The following LRMDA variants were observed in gnomAD, a reference collection of about 807,000 sequenced individuals.
The protein encoded by LRMDA is leucine rich melanocyte differentiation associated.
A neutral mutation model predicts 29.8 loss-of-function variants in LRMDA; 18 were observed. The observed-to-expected ratio is 0.60, with a 90% confidence interval of 0.42 to 0.90. LRMDA has a LOEUF of 0.90. LRMDA is among the 40% of genes least tolerant of loss of function. The pLI is 0.00. For missense variants in LRMDA, 273 were observed against 273.9 expected (o/e 1.00, Z 0.02); for synonymous variants, 125 against 109.4 (o/e 1.14, Z -0.89).
chr10:75,887,740 G>C (rs561145446), intron 2 of LRMDA, among the ~76,000 whole-genome samples: 28 of 152,094 alleles, frequency 1.8e-4, no homozygotes, highest in Non-Finnish European at 3.4e-4. Context: ...TGCATATCTG[G>C]TTCATATCAC....
intron 2 of LRMDA, among the ~76,000 whole-genome samples, chr10:75,892,087 G>A: frequency 6.6e-6 from 1 of 152,146 alleles, no homozygotes; most frequent in South Asian, 2.1e-4. Context: ...ATGATCAATG[G>A]GTTTTGGTGA....
chr10:76,091,276 C>CAT (rs919922502), intron 5 of LRMDA, among the ~76,000 whole-genome samples: 8 of 146,908 alleles, frequency 5.4e-5, no homozygotes, highest in African/African-American at 2.0e-4. Context: ...ACATGGTGGA[C>CAT]GTGTGTGTGT....
chr10:75,799,754 C>T (rs1843716898), intron 2 of LRMDA, among the ~76,000 whole-genome samples: 1 of 150,474 alleles, frequency 6.6e-6, no homozygotes, highest in South Asian at 2.1e-4. Context: ...GCATGTTGAC[C>T]AGGCTAGTCT....
intron 5 of LRMDA, among the ~76,000 whole-genome samples, chr10:76,116,506 T>G (rs932399892): frequency 6.6e-6 from 1 of 151,912 alleles, no homozygotes; most frequent in Non-Finnish European, 1.5e-5. Flanking sequence ...CCTTGATGAG[T>G]CTGTTGGTAG....
intron 5 of LRMDA, among the ~76,000 whole-genome samples, chr10:76,082,875 G>A (rs531386672): frequency 3.3e-5 from 5 of 152,280 alleles, no homozygotes; most frequent in South Asian, 2.1e-4. Flanking sequence ...AAGGAAGTTC[G>A]TAGGAGGATT....
chr10:75,913,666 C>G (rs1348518076), intron 2 of LRMDA, among the ~76,000 whole-genome samples: 1 of 152,178 alleles, frequency 6.6e-6, no homozygotes, highest in Non-Finnish European at 1.5e-5. Flanking sequence ...AGAGCTGCAG[C>G]TTTGGCATTA....
chr10:76,289,130 A>C (rs1840307817), intron 5 of LRMDA, among the ~76,000 whole-genome samples: 1 of 152,196 alleles, frequency 6.6e-6, no homozygotes, highest in African/African-American at 2.4e-5. Context: ...ATTAGAGAAC[A>C]TTGATGGTAT....
intron 2 of LRMDA, among the ~76,000 whole-genome samples, chr10:75,842,395 C>T (rs1047438405): frequency 1.1e-4 from 17 of 152,166 alleles, no homozygotes; most frequent in Non-Finnish European, 2.5e-4. Context: ...GATTTTACCA[C>T]TTGGCCTAGA....
intron 5 of LRMDA, among the ~76,000 whole-genome samples, chr10:76,153,738 T>C (rs183801054): frequency 6.6e-6 from 1 of 152,346 alleles, no homozygotes; most frequent in South Asian, 2.1e-4. Context: ...CCAATGTCAT[T>C]CCCTTCATTA....
intron 5 of LRMDA, among the ~76,000 whole-genome samples, chr10:76,127,355 T>C (rs945371419): frequency 2.6e-5 from 4 of 152,334 alleles, no homozygotes; most frequent in Admixed American, 2.0e-4. Context: ...CAACTTGGCG[T>C]ATTCACCCAC....
Position 76,142,409 on chromosome 10 carries a change from C to T in LRMDA, c.516+83626C>T, listed in dbSNP as rs148107278. ...ATCTTGAATTTTGTGTGTAATATGC[C>T]ATTTCATTTTTAAAATATTTAACTA... On this transcript the variant is annotated intron_variant, in intron 5 of 6. Coordinates refer to ENST00000611255, the MANE Select transcript of LRMDA (RefSeq NM_001305581.2). 8.6e-5 allele frequency among the ~76,000 whole-genome samples: 13 copies of T among 151,944 alleles called. No homozygotes were observed. In the East Asian group the frequency reaches 2.3e-3, roughly 27 times the overall value.
chr10:76,038,459 A>G (rs1434614185), intron 3 of LRMDA, among the ~76,000 whole-genome samples: 3 of 152,216 alleles, frequency 2.0e-5, no homozygotes, highest in African/African-American at 7.2e-5. Flanking sequence ...TGTAAACCTG[A>G]CCAGTGATAT....
chr10:75,609,712 C>T (rs957050983), intron 2 of LRMDA, among the ~76,000 whole-genome samples: 1 of 152,174 alleles, frequency 6.6e-6, no homozygotes, highest in Non-Finnish European at 1.5e-5. Context: ...TATGATGAGT[C>T]TTGCAATTAC....
intron 5 of LRMDA, among the ~76,000 whole-genome samples, chr10:76,210,301 A>T (rs1851612915): frequency 6.6e-6 from 1 of 152,180 alleles, no homozygotes; most frequent in South Asian, 2.1e-4. Context: ...GCAGTCCTCG[A>T]GCTAAATAAT....
In LRMDA at chr10:76,043,003, C is replaced by T. The variant is rs139570961; in HGVS notation, c.259-4161C>T. ...CTGTAATCCCAGAACTTTGGGAGGC[C>T]GAGGCAGGTGGATCTCCTGAGATTA... On this transcript the variant is annotated intron_variant, in intron 3 of 6. Transcript: ENST00000611255. Among the ~76,000 whole-genome samples, 523 of 151,952 alleles carry T rather than the reference C, an allele frequency of 3.4e-3. 2 individuals carry two copies. The highest frequency in any genetic ancestry group is 0.011 in the African/African-American group (472 of 41,438).
intron 2 of LRMDA, among the ~76,000 whole-genome samples, chr10:75,894,454 G>C (rs1486404913): frequency 6.6e-6 from 1 of 152,206 alleles, no homozygotes; most frequent in Non-Finnish European, 1.5e-5. Context: ...TTGGTTCCAT[G>C]ATTTTGCAAT....
intron 2 of LRMDA, among the ~76,000 whole-genome samples, chr10:75,980,831 C>G (rs930505099): frequency 3.3e-5 from 5 of 152,220 alleles, no homozygotes; most frequent in Non-Finnish European, 5.9e-5. Flanking sequence ...TATCCTCTCT[C>G]TCAGACCATT....
chr10:75,687,244 AT>A, intron 2 of LRMDA, among the ~76,000 whole-genome samples: 1 of 152,364 alleles, frequency 6.6e-6, no homozygotes, highest in Admixed American at 6.5e-5. Flanking sequence ...ACAGTCCAAC[AT>A]GTCAGCCTCT....
At chr10:76,115,368 A>T (rs1849651299) in intron 5 of LRMDA, among the ~76,000 whole-genome samples, 1 of 152,216 alleles carries the variant, frequency 6.6e-6, no homozygotes, top group Admixed American at 6.5e-5. Flanking sequence ...TCTCTGCATT[A>T]TATGTGGATT....
Sources: gnomAD v4.1 joint callset for allele counts (sites outside exome capture counted in the v4.1 genomes callset) on GRCh38, gnomAD v4.1.1 for gene constraint, MANE v1.5 for transcripts, NCBI Gene and HGNC (gene_info 2026-07-23, HGNC 2026-07-21) for gene names.